The following ZBTB8A variants were observed in gnomAD, a reference collection of about 807,000 sequenced individuals.
ZBTB8A encodes the protein zinc finger and BTB domain-containing protein 8A.
ZBTB8A carries 19 observed loss-of-function variants against 37.8 expected under a neutral mutation model. The observed-to-expected ratio is 0.50, with a 90% confidence interval of 0.35 to 0.74. The LOEUF (loss-of-function observed/expected upper bound fraction) is 0.74. ZBTB8A is among the 30% of genes least tolerant of loss of function. The pLI, the probability that ZBTB8A is intolerant of heterozygous loss-of-function variation, is 0.01. For missense variants in ZBTB8A, 394 were observed against 537.8 expected, an observed-to-expected ratio of 0.73 and a Z score of 2.65; for synonymous variants, 181 against 185.2, an observed-to-expected ratio of 0.98 and a Z score of 0.19.
chr1:32,553,042 A>G (rs771070858), intron 1 of ZBTB8A, among the ~76,000 whole-genome samples: 48 of 151,194 alleles, frequency 3.2e-4, no homozygotes, highest in Non-Finnish European at 6.6e-4. Context: ...TAAAAATTGT[A>G]TCTGACAGAG....
intron 2 of ZBTB8A, among the ~76,000 whole-genome samples, chr1:32,576,311 C>A (rs1252872609): frequency 6.6e-6 from 1 of 152,162 alleles, no homozygotes; most frequent in African/African-American, 2.4e-5. Flanking sequence ...AAGAACCTTA[C>A]AGTATATTTC....
At chr1:32,591,868 CAG>C (rs933409881) in intron 2 of ZBTB8A, among the ~76,000 whole-genome samples, 3 of 151,964 alleles carry the variant, frequency 2.0e-5, no homozygotes, top group African/African-American at 7.3e-5. Context: ...TTTTTTCAGA[CAG>C]GGTCTCACTC....
chr1:32,572,790 CT>C (rs1334942450), intron 2 of ZBTB8A, among the ~76,000 whole-genome samples: 1 of 151,270 alleles, frequency 6.6e-6, no homozygotes, highest in African/African-American at 2.4e-5. Flanking sequence ...ATAATAGTTT[CT>C]TTTTATTCTT....
intron 2 of ZBTB8A, among the ~76,000 whole-genome samples, chr1:32,587,507 G>T (rs777301942): frequency 1.3e-5 from 2 of 151,994 alleles, no homozygotes; most frequent in South Asian, 4.1e-4. Context: ...TTGGCTGGGC[G>T]TGGTGGCTCA....
intron 2 of ZBTB8A, among the ~76,000 whole-genome samples, chr1:32,585,311 G>A (rs1557714347): frequency 6.6e-6 from 1 of 151,940 alleles, no homozygotes; most frequent in Non-Finnish European, 1.5e-5. Context: ...ATAGCACCTG[G>A]ACTCAGAAAA....
At chr1:32,599,481 G>A (rs769251364) in intron 4 of ZBTB8A, among the ~76,000 whole-genome samples, 12 of 151,998 alleles carry the variant, frequency 7.9e-5, no homozygotes, top group African/African-American at 1.7e-4. Flanking sequence ...CACTTTGGGC[G>A]GCCGAGGCAG....
intron 4 of ZBTB8A, among the ~76,000 whole-genome samples, chr1:32,597,485 T>C (rs1353985197): frequency 6.6e-6 from 1 of 152,188 alleles, no homozygotes; most frequent in East Asian, 1.9e-4. Flanking sequence ...AGTGTCCTTG[T>C]TCTCTGGCTC....
intron 2 of ZBTB8A, among the ~76,000 whole-genome samples, chr1:32,586,518 A>G (rs9425957): frequency 0.023 from 3,427 of 152,152 alleles, 141 homozygotes; most frequent in African/African-American, 0.078. Flanking sequence ...AAAGGTACAG[A>G]GAGTGAGAAG....
intron 1 of ZBTB8A, among the ~76,000 whole-genome samples, chr1:32,544,861 C>T (rs1333321856): frequency 6.6e-6 from 1 of 152,166 alleles, no homozygotes; most frequent in Non-Finnish European, 1.5e-5. Context: ...AGTTACATTC[C>T]ATTGTATGGG....
At chr1:32,549,859 A>C (rs1186055287) in intron 1 of ZBTB8A, among the ~76,000 whole-genome samples, 1 of 152,218 alleles carries the variant, frequency 6.6e-6, no homozygotes, top group Admixed American at 6.5e-5. Flanking sequence ...TGACACTGGA[A>C]TGCTGCTATG....
At position 32,598,223 on chromosome 1, in the gene ZBTB8A, ATTTTTTT is replaced by A. The variant is rs762801492; in HGVS notation, c.994-1843_994-1837del. On this transcript the variant is annotated intron_variant, in intron 4 of 4. Coordinates refer to ENST00000373510, the MANE Select transcript of ZBTB8A (RefSeq NM_001040441.3). ...TACCAGACTGTATTAGCTTTCTTGG[ATTTTTTT>A]TTTTTTTTTTTTTTTTTTTTGAGAT... Among the ~76,000 whole-genome samples the A allele has an allele frequency of 3.7e-3, 314 of 85,998 alleles. 2 individuals are homozygous for A. The highest frequency in any genetic ancestry group is 0.013 in the African/African-American group (276 of 20,490). 56.4% of individuals were successfully genotyped at this position (85,998 alleles called of 152,430 possible). A position where few individuals can be genotyped will look rare whatever the true frequency, so the allele number is the denominator to read the frequency against.
chr1:32,548,846 A>G (rs1483692911), intron 1 of ZBTB8A, among the ~76,000 whole-genome samples: 1 of 152,170 alleles, frequency 6.6e-6, no homozygotes. Flanking sequence ...TCTGTAAGCT[A>G]TAGGTATTAT....
At chr1:32,581,603 C>T (rs776871963) in intron 2 of ZBTB8A, among the ~76,000 whole-genome samples, 2 of 151,850 alleles carry the variant, frequency 1.3e-5, no homozygotes, top group East Asian at 3.8e-4. Flanking sequence ...CCACCCGCCT[C>T]GGCCTCCCAA....
intron 2 of ZBTB8A, among the ~76,000 whole-genome samples, chr1:32,580,897 C>G (rs1170595184): frequency 6.6e-6 from 1 of 151,374 alleles, no homozygotes; most frequent in Admixed American, 6.7e-5. Context: ...GGGGGCCAAA[C>G]TCTTAGCAGG....
rs1169577049 is a variant in ZBTB8A, at chr1:32,600,986, T to C, written c.*567T>C. 1 of 152,036 alleles carries C rather than the reference T, an allele frequency of 6.6e-6. No homozygotes were observed. Among genetic ancestry groups the C allele is most frequent in the Non-Finnish European group, 1.5e-5 (1 of 68,102 alleles). The allele number at this position is 152,036 out of a possible 1,614,324, so 9.4% of individuals were successfully genotyped here. A position where few individuals can be genotyped will look rare whatever the true frequency, so the allele number is the denominator to read the frequency against. ...ACGTTTAAGGATTATGGAAGAAGAC[T>C]AAAGTGTTTGAAATCATTCATATTT... On this transcript the variant is annotated 3_prime_UTR_variant, in exon 5 of 5. Transcript: ENST00000373510.
intron 1 of ZBTB8A, among the ~76,000 whole-genome samples, chr1:32,551,197 A>G (rs1327864810): frequency 1.3e-5 from 2 of 151,992 alleles, no homozygotes; most frequent in Non-Finnish European, 2.9e-5. Flanking sequence ...TATTATTCCA[A>G]CAAGGTGGGA....
intron 3 of ZBTB8A, 102 bp from the exon 4 acceptor site, chr1:32,594,952 A>T (rs1644518518): frequency 8.7e-7 from 1 of 1,154,616 alleles, no homozygotes; most frequent in Non-Finnish European, 1.2e-6. Flanking sequence ...TTTTAAGTTT[A>T]TTTTTTTCTT....
chr1:32,597,586 T>G (rs1038350762), intron 4 of ZBTB8A, among the ~76,000 whole-genome samples: 6 of 152,302 alleles, frequency 3.9e-5, no homozygotes, highest in Admixed American at 2.0e-4. Context: ...GAAAGTGAAA[T>G]TAGAGCCCAA....
At chr1:32,563,878 T>C (rs56130726) in intron 2 of ZBTB8A, among the ~76,000 whole-genome samples, 3,612 of 152,234 alleles carry the variant, frequency 0.024, 42 homozygotes, top group Middle Eastern at 0.031. Flanking sequence ...CCTAGTCATC[T>C]CTTAGGTGGA....
Sources: gnomAD v4.1 joint callset for allele counts (sites outside exome capture counted in the v4.1 genomes callset) on GRCh38, gnomAD v4.1.1 for gene constraint, MANE v1.5 for transcripts, NCBI Gene and HGNC (gene_info 2026-07-23, HGNC 2026-07-21) for gene names.